The following TROAP variants were observed in gnomAD, a reference collection of about 807,000 sequenced individuals.
TROAP encodes trophinin associated protein, also known as tastin.
Under a neutral mutation model 83.4 loss-of-function variants are expected in TROAP, and 62 were observed. That is an observed-to-expected ratio of 0.74 (90% CI 0.61 to 0.92). The LOEUF (loss-of-function observed/expected upper bound fraction) is 0.92, where lower values mean the gene tolerates loss of function less well. TROAP is among the 40% of genes least tolerant of loss of function. The pLI is 0.00. For synonymous variants in TROAP, 352 were observed against 386.4 expected, an observed-to-expected ratio of 0.91 and a Z score of 1.04; for missense variants, 876 against 985.1, an observed-to-expected ratio of 0.89 and a Z score of 1.48.
rs748275149 is a variant in TROAP at position 49,328,519 on chromosome 12, G to A, written c.892-408G>A. 5.9e-5 allele frequency among the ~76,000 whole-genome samples: 9 copies of A among 151,996 alleles called. No homozygotes were observed. In the South Asian group the frequency reaches 6.3e-4, roughly 11 times the overall value. On this transcript the variant is annotated intron_variant, in intron 8 of 14. Coordinates refer to ENST00000257909, the MANE Select transcript of TROAP (RefSeq NM_005480.4). ...ATTACAGGCCTGAGCCACCATGCCC[G>A]GCTTGACTTAGGTCTTAAAAGAATC... is the stretch of plus-strand genomic sequence containing the variant.
chr12:49,324,197 C>CTCCCTT (rs1943457081), intron 3 of TROAP, 160 bp downstream of exon 3: 1 of 1,614,046 alleles, frequency 6.2e-7, no homozygotes, highest in Non-Finnish European at 8.5e-7. Flanking sequence ...CTTAGAAGAT[C>CTCCCTT]TCCCTTTCCT....
At position 49,329,092 on chromosome 12, in the gene TROAP, A is replaced by G; in HGVS notation, c.1020+37A>G. ...CAACTGGGGGCTGGGCAGGGGCAGAACAGTCTGGCCGGAGATCCTTGCTAT... is the reference window on the plus strand; with the variant it reads ...CAACTGGGGGCTGGGCAGGGGCAGAGCAGTCTGGCCGGAGATCCTTGCTAT... On this transcript the variant is annotated intron_variant, in intron 9 of 14. Coordinates refer to ENST00000257909, the MANE Select transcript of TROAP (RefSeq NM_005480.4). This position sits in a 1 kb window ranked among gnomAD's most constrained non-coding sequence, Gnocchi z 4.5. 6.2e-7 allele frequency: 1 copy of G among 1,613,860 alleles called. No individual in the cohort carries two copies. Among genetic ancestry groups the G allele is most frequent in the Non-Finnish European group, 8.5e-7 (1 of 1,179,816 alleles).
At chr12:49,326,845 CAGA>C (rs1943508079) in intron 7 of TROAP, 125 bp downstream of exon 7, 1 of 1,078,634 alleles carries the variant, frequency 9.3e-7, no homozygotes, top group Non-Finnish European at 1.3e-6. Flanking sequence ...GAGGCTAGGT[CAGA>C]AGGAGAAGGA....
chr12:49,325,307 C>T (rs1221495736), intron 3 of TROAP, 194 bp from the exon 4 acceptor site: 15 of 513,534 alleles, frequency 2.9e-5, no homozygotes, highest in South Asian at 6.1e-5. Context: ...CCACCCGCCT[C>T]GGCCTCCCAA....
At chr12:49,327,665 C>T (rs1388183828) in intron 8 of TROAP, among the ~76,000 whole-genome samples, 2 of 152,142 alleles carry the variant, frequency 1.3e-5, no homozygotes, top group East Asian at 3.8e-4. Context: ...TACTGAGTGC[C>T]AGGCTCTGTT....
intron 6 of TROAP, 145 bp downstream of exon 6, chr12:49,326,303 C>A: frequency 1.2e-6 from 1 of 802,678 alleles, no homozygotes; most frequent in Non-Finnish European, 2.0e-6. Context: ...CTGTGATTAC[C>A]CGGGATGAGC....
At position 49,329,846 on chromosome 12, in the gene TROAP, C is replaced by T; in HGVS notation, c.1165-11C>T. The T allele has an allele frequency of 6.2e-7, 1 of 1,613,298 alleles. No individual in the cohort carries two copies. Among genetic ancestry groups the T allele is most frequent in the Non-Finnish European group, 8.5e-7 (1 of 1,179,534 alleles). On this transcript the variant is annotated splice_polypyrimidine_tract_variant and intron_variant, in intron 11 of 14. Coordinates refer to ENST00000257909, the MANE Select transcript of TROAP (RefSeq NM_005480.4). This position sits in a 1 kb window ranked among gnomAD's most constrained non-coding sequence, Gnocchi z 4.5. ...CCTGGCTTGCTTGTGTGCCTTGTTC[C>T]TTGGTGACAGGAGCAGGTTGCCGTC...
At chr12:49,331,102 TC>T (rs1391348295) in intron 13 of TROAP, 111 bp from the exon 14 acceptor site, 2 of 1,547,758 alleles carry the variant, frequency 1.3e-6, no homozygotes, top group Non-Finnish European at 1.8e-6. Flanking sequence ...GGGCTGCACT[TC>T]CAGCCCTGTG....
chr12:49,323,844 G>C lies in TROAP; in HGVS notation c.145-1G>C, dbSNP rs765163602. The C allele has an allele frequency of 1.9e-6, 3 of 1,613,946 alleles. No individual in the cohort carries two copies. In the South Asian group the frequency reaches 3.3e-5, roughly 18 times the overall value. The stretch of plus-strand genomic sequence containing the variant: ...CTTTTTGTCCCCGCTCCCTCCCCTA[G>C]AGATGGGTGCAGAAACCACCGCTCA... On this transcript the variant is annotated splice_acceptor_variant, in intron 2 of 14. Transcript: ENST00000257909. LOFTEE classifies it high-confidence loss of function.
At position 49,323,830 on chromosome 12, in the gene TROAP, C is replaced by T. The variant is rs375964979; in HGVS notation, c.145-15C>T. 2.5e-6 allele frequency: 4 copies of T among 1,613,662 alleles called. No homozygotes were observed. The Admixed American group carries it at 5.0e-5, about 20-fold the overall frequency. Reference sequence around the variant, plus strand: ...ACACTAAACCTCACCTTTTTGTCCCCGCTCCCTCCCCTAGAGATGGGTGCA... The same window carrying T: ...ACACTAAACCTCACCTTTTTGTCCCTGCTCCCTCCCCTAGAGATGGGTGCA... On this transcript the variant is annotated splice_polypyrimidine_tract_variant and intron_variant, in intron 2 of 14. Transcript: ENST00000257909.
intron 3 of TROAP, chr12:49,324,332 T>C (rs1248042334): frequency 1.5e-6 from 1 of 660,712 alleles, no homozygotes; most frequent in Admixed American, 2.9e-5. Flanking sequence ...CAGAGGGAGA[T>C]CCCATCTCTT....
Position 49,330,248 on chromosome 12 carries a change from T to G in TROAP, c.1403T>G (p.Leu468Arg), listed in dbSNP as rs1024331261. 2 of 1,614,024 alleles carry G rather than the reference T, an allele frequency of 1.2e-6. No individual in the cohort carries two copies. The highest frequency in any genetic ancestry group is 1.3e-5 in the African/African-American group (1 of 74,894). ...GGCTCTTCTCTGGATATGGTTGAAC[T>G]TCAGCCCCTGCTGACTGAGATTTCT... ...NGGSSLDMVE[L>R]QPLLTEISRT... Residue 468 changes from leucine (L) to arginine (R), a missense_variant, in exon 13 of 15, where the codon CTT becomes CGT. Around this residue, in one of 3 missense-constraint regions of TROAP, gnomAD observed 689 missense variants for 722.6 expected, o/e 0.95. Coordinates refer to ENST00000257909, the MANE Select transcript of TROAP (RefSeq NM_005480.4).
chr12:49,331,618 T>C lies in TROAP; in HGVS notation c.*1T>C, dbSNP rs370447913. 1.9e-6 allele frequency: 3 copies of C among 1,611,344 alleles called. No individual in the cohort carries two copies. In the African/African-American group the frequency reaches 4.0e-5, roughly 22 times the overall value. On this transcript the variant is annotated 3_prime_UTR_variant, in exon 15 of 15. Coordinates refer to ENST00000257909, the MANE Select transcript of TROAP (RefSeq NM_005480.4). ...TGCTGCCCCCCAGGGCTCTCCATGATGAGACAACCACTCCTGCCCTGCCGT... is the reference window on the plus strand; with the variant it reads ...TGCTGCCCCCCAGGGCTCTCCATGACGAGACAACCACTCCTGCCCTGCCGT...
intron 6 of TROAP, 78 bp downstream of exon 6, chr12:49,326,236 T>C (rs1592311003): frequency 6.8e-7 from 1 of 1,470,474 alleles, no homozygotes; most frequent in African/African-American, 1.4e-5. Flanking sequence ...CCCCCAGAGT[T>C]GGGGCCTTCC....
In TROAP at chr12:49,323,758, AGGGGCCTAAT is replaced by A. The variant is rs1253781804; in HGVS notation, c.144+11_144+20del. ...AGGAGAACCAAGATCCAAGGGTAAGAGGGGCCTAATGGGGGAAGACAGTAGTCACACCAGT... is the reference window on the plus strand; with the variant it reads ...AGGAGAACCAAGATCCAAGGGTAAGAGGGGGAAGACAGTAGTCACACCAGT... On this transcript the variant is annotated splice_region_variant and intron_variant, in intron 2 of 14. Transcript: ENST00000257909. 1 of 1,614,126 alleles carries A rather than the reference AGGGGCCTAAT, an allele frequency of 6.2e-7. No homozygotes were observed. The highest frequency in any genetic ancestry group is 2.2e-5 in the East Asian group (1 of 44,884).
chr12:49,329,821 C>G lies in TROAP; in HGVS notation c.1165-36C>G, dbSNP rs375464662. ...CAGGCTGGTCTTTCTCCTGCCCCAG[C>G]CTGGCTTGCTTGTGTGCCTTGTTCC... On this transcript the variant is annotated intron_variant, in intron 11 of 14. Coordinates refer to ENST00000257909, the MANE Select transcript of TROAP (RefSeq NM_005480.4). The surrounding 1 kb of genome is among the most constrained non-coding windows in gnomAD (Gnocchi z 4.5). 6.2e-6 allele frequency: 10 copies of G among 1,607,944 alleles called. No individual in the cohort carries two copies. The highest frequency in any genetic ancestry group is 8.5e-6 in the Non-Finnish European group (10 of 1,176,404).
chr12:49,329,488 C>T lies in TROAP; in HGVS notation c.1164+34C>T. 1.3e-6 allele frequency: 2 copies of T among 1,578,646 alleles called. No homozygotes were observed. The highest frequency in any genetic ancestry group is 1.4e-5 in the African/African-American group (1 of 73,986). On this transcript the variant is annotated intron_variant, in intron 11 of 14. Transcript: ENST00000257909. This position sits in a 1 kb window ranked among gnomAD's most constrained non-coding sequence, Gnocchi z 4.5. ...CAGAAGCTTCCCCCTACTGAGATCC[C>T]TTGCCCTGTGCTGCCAGCCTGGAGG...
chr12:49,330,112 G>T, intron 12 of TROAP, 33 bp from the exon 13 acceptor site: 1 of 1,608,912 alleles, frequency 6.2e-7, no homozygotes, highest in Non-Finnish European at 8.5e-7. Flanking sequence ...CGCACATCTT[G>T]ATGTCACACT....
rs574707916 is a variant in TROAP at position 49,328,620 on chromosome 12, T to A, written c.892-307T>A. Among the ~76,000 whole-genome samples, 5 of 152,112 alleles carry A rather than the reference T, an allele frequency of 3.3e-5. No homozygotes were observed. The East Asian group carries it at 9.8e-4, about 30-fold the overall frequency. On this transcript the variant is annotated intron_variant, in intron 8 of 14. Transcript: ENST00000257909. ...TGGCTTACTCCTGTAATCCCAGCAC[T>A]TTGGGAGGCCGAGGCGGGCAGATCA...
Sources: gnomAD v4.1 joint callset for allele counts (sites outside exome capture counted in the v4.1 genomes callset) on GRCh38, gnomAD v4.1.1 for gene constraint, gnomAD v4.1.1 regional missense constraint, Gnocchi (gnomAD v3.1) non-coding constraint, MANE v1.5 for transcripts, NCBI Gene and HGNC (gene_info 2026-07-23, HGNC 2026-07-21) for gene names.